Variants in KCNN3 observed in about 807,000 individuals in gnomAD.
KCNN3 encodes potassium calcium-activated channel subfamily N member 3.
KCNN3 carries 16 observed loss-of-function variants against 62.9 expected under a neutral mutation model. The ratio of observed to expected loss-of-function variants is 0.25; its 90% CI spans 0.17 to 0.39. KCNN3 has a LOEUF of 0.39. Among genes scored for constraint, KCNN3 ranks in the 10% least tolerant of loss-of-function variants. The pLI is 1.00. For missense variants in KCNN3, 599 were observed against 949.4 expected, an observed-to-expected ratio of 0.63 and a Z score of 4.85; for synonymous variants, 370 against 389.2, an observed-to-expected ratio of 0.95 and a Z score of 0.58.
At chr1:154,844,929 C>G (rs1423341437) in intron 1 of KCNN3, among the ~76,000 whole-genome samples, 1 of 151,984 alleles carries the variant, frequency 6.6e-6, no homozygotes, top group African/African-American at 2.4e-5. Context: ...TGGCTTGAGC[C>G]CAGGAGGTGG....
rs79656788 is a variant in KCNN3, at chr1:154,764,556, A to G, written c.1448+7419T>C. Among the ~76,000 whole-genome samples, 46 of 152,286 alleles carry G rather than the reference A, an allele frequency of 3.0e-4. No homozygotes were observed. In the South Asian group the frequency reaches 6.8e-3, roughly 23 times the overall value. On this transcript the variant is annotated intron_variant, in intron 3 of 7. Transcript: ENST00000271915. ...GTGGTTCCTTTAGGTTTTAAAAAAA[A>G]TATTTCTCTGATTGCTAAAACTGAG...
intron 5 of KCNN3, among the ~76,000 whole-genome samples, chr1:154,718,204 G>T (rs529318290): frequency 6.6e-6 from 1 of 152,304 alleles, no homozygotes; most frequent in Non-Finnish European, 1.5e-5. Flanking sequence ...GTGAATGGAA[G>T]TCCAGCTGTC....
chr1:154,717,772 T>G (rs1185864334), intron 5 of KCNN3, among the ~76,000 whole-genome samples: 1 of 152,146 alleles, frequency 6.6e-6, no homozygotes, highest in Non-Finnish European at 1.5e-5. Flanking sequence ...GACTCTGAAA[T>G]TAATTACCAG....
At chr1:154,745,621 C>G (rs1293237539) in intron 3 of KCNN3, among the ~76,000 whole-genome samples, 1 of 152,210 alleles carries the variant, frequency 6.6e-6, no homozygotes. Context: ...CAAATGGATG[C>G]ACCATTTGAG....
At chr1:154,715,739 G>A (rs867186254) in intron 5 of KCNN3, among the ~76,000 whole-genome samples, 3 of 152,156 alleles carry the variant, frequency 2.0e-5, no homozygotes, top group Non-Finnish European at 2.9e-5. Context: ...AATAGCTAGC[G>A]ATATACCATT....
At chr1:154,816,196 T>TA (rs952682226) in intron 2 of KCNN3, among the ~76,000 whole-genome samples, 4 of 152,238 alleles carry the variant, frequency 2.6e-5, no homozygotes, top group African/African-American at 7.2e-5. Context: ...TTACTACCGT[T>TA]ACGTTTCTGT....
chr1:154,777,566 G>C (rs1030251647), intron 2 of KCNN3, among the ~76,000 whole-genome samples: 4 of 152,198 alleles, frequency 2.6e-5, no homozygotes, highest in African/African-American at 9.7e-5. Context: ...GGAATAAACT[G>C]TCCCAGGTGA....
At chr1:154,727,431 A>G (rs970575798) in intron 4 of KCNN3, among the ~76,000 whole-genome samples, 13 of 151,964 alleles carry the variant, frequency 8.6e-5, no homozygotes, top group Admixed American at 8.5e-4. Context: ...TCCATTCCCT[A>G]CTCTCTCTTT....
chr1:154,849,343 G>T lies in KCNN3; in HGVS notation c.933+19689C>A, dbSNP rs556140577. Among the ~76,000 whole-genome samples the T allele has an allele frequency of 1.2e-4, 19 of 152,348 alleles. No individual in the cohort carries two copies. In the East Asian group the frequency reaches 3.3e-3, roughly 26 times the overall value. On this transcript the variant is annotated intron_variant, in intron 1 of 7. Coordinates refer to ENST00000271915, the MANE Select transcript of KCNN3 (RefSeq NM_002249.6). ...CCTGGGAGAACAGCCATGTGGCCTC[G>T]CAGGGGCCAATGGGGGTTCCTGGGC... is the stretch of plus-strand genomic sequence containing the variant.
intron 1 of KCNN3, among the ~76,000 whole-genome samples, chr1:154,824,954 T>G (rs1015302197): frequency 7.9e-5 from 12 of 152,246 alleles, no homozygotes; most frequent in African/African-American, 2.4e-4. Context: ...TCTTACAGAT[T>G]TCTTTGCATT....
chr1:154,856,192 C>T (rs1017541972), intron 1 of KCNN3, among the ~76,000 whole-genome samples: 1 of 152,196 alleles, frequency 6.6e-6, no homozygotes, highest in African/African-American at 2.4e-5. Flanking sequence ...TAGGAGGGTT[C>T]AGGAGACAAG....
chr1:154,724,295 C>T (rs1700417503), intron 5 of KCNN3, among the ~76,000 whole-genome samples: 1 of 152,216 alleles, frequency 6.6e-6, no homozygotes, highest in South Asian at 2.1e-4. Flanking sequence ...GTTCTTCCTT[C>T]CTGCCGTTGT....
At chr1:154,747,201 G>T (rs896997200) in intron 3 of KCNN3, among the ~76,000 whole-genome samples, 1 of 152,164 alleles carries the variant, frequency 6.6e-6, no homozygotes, top group East Asian at 1.9e-4. Flanking sequence ...AACTGCCCTT[G>T]CTCTTCATCC....
rs375315168 is a variant in KCNN3 at position 154,744,728 on chromosome 1, C to A, written c.1449-11584G>T. 2.1e-4 allele frequency among the ~76,000 whole-genome samples: 32 copies of A among 152,208 alleles called. 3 individuals are homozygous for A. Among genetic ancestry groups the A allele is most frequent in the African/African-American group, 7.7e-4 (32 of 41,500 alleles). On this transcript the variant is annotated intron_variant, in intron 3 of 7. Coordinates refer to ENST00000271915, the MANE Select transcript of KCNN3 (RefSeq NM_002249.6). The stretch of plus-strand genomic sequence containing the variant: ...CTTCAGCATGCTAGGGCATGTGATT[C>A]CAGCTTTATGGAGAAAATGGGGTGA...
chr1:154,805,023 G>T (rs1650111038), intron 2 of KCNN3, among the ~76,000 whole-genome samples: 1 of 152,186 alleles, frequency 6.6e-6, no homozygotes, highest in Non-Finnish European at 1.5e-5. Flanking sequence ...ATTCTATTCT[G>T]CAGACAGCCA....
rs981098014 is a variant in KCNN3, at chr1:154,720,755, T to C, written c.1701+5161A>G. Among the ~76,000 whole-genome samples the C allele has an allele frequency of 7.9e-5, 12 of 152,080 alleles. 1 individual carries two copies. The highest frequency in any genetic ancestry group is 2.6e-4 in the Admixed American group (4 of 15,258). ...TAAGGAGATCCATGGGGAAGCAGAG[T>C]GCAGGATGACTGGGGTAAGGGACGC... On this transcript the variant is annotated intron_variant, in intron 5 of 7. Coordinates refer to ENST00000271915, the MANE Select transcript of KCNN3 (RefSeq NM_002249.6).
In KCNN3 at chr1:154,841,392, A is replaced by G. The variant is rs528630222; in HGVS notation, c.934-19208T>C. On this transcript the variant is annotated intron_variant, in intron 1 of 7. Coordinates refer to ENST00000271915, the MANE Select transcript of KCNN3 (RefSeq NM_002249.6). ...CCAGGGAGCTTTTTAAAATCCCCAC[A>G]CCCAGGTTGCACCTCAGGGCAGTGA... Among the ~76,000 whole-genome samples the G allele has an allele frequency of 9.9e-5, 15 of 152,168 alleles. No homozygotes were observed. In the South Asian group the frequency reaches 2.7e-3, roughly 27 times the overall value.
At chr1:154,804,681 G>A (rs1702176) in intron 2 of KCNN3, among the ~76,000 whole-genome samples, 49,168 of 151,910 alleles carry the variant, frequency 0.32, 9,457 homozygotes, top group African/African-American at 0.54. Flanking sequence ...TAGCAATACT[G>A]GTAACATGAG....
Position 154,707,934 on chromosome 1 carries a change from C to G in KCNN3, c.*42G>C. 6.3e-7 allele frequency: 1 copy of G among 1,595,242 alleles called. No homozygotes were observed. Among genetic ancestry groups the G allele is most frequent in the Non-Finnish European group, 8.6e-7 (1 of 1,167,956 alleles). ...CGACCAGGAGAGAGTTGATTTGCAT[C>G]TTAAGACCTATGGGTAATGCTTCTG... On this transcript the variant is annotated 3_prime_UTR_variant, in exon 8 of 8. Transcript: ENST00000271915.
Sources: allele counts gnomAD v4.1 joint callset (sites outside exome capture counted in the v4.1 genomes callset), GRCh38; gene constraint gnomAD v4.1.1; transcripts MANE v1.5; gene names NCBI Gene and HGNC (gene_info 2026-07-23, HGNC 2026-07-21).